CRTC1: variants seen among roughly 807,000 people sequenced by gnomAD.
CRTC1 encodes CREB-regulated transcription coactivator 1.
In CRTC1, 18 loss-of-function variants were observed where a neutral mutation model predicts 66.1. The ratio of observed to expected loss-of-function variants is 0.27; its 90% CI spans 0.19 to 0.40. The LOEUF is 0.40. CRTC1 is among the 10% of genes least tolerant of loss of function. CRTC1 has a pLI of 1.00. For synonymous variants in CRTC1, 416 were observed against 398.8 expected, an observed-to-expected ratio of 1.04 and a Z score of -0.51; for missense variants, 669 against 887.9, an observed-to-expected ratio of 0.75 and a Z score of 3.13.
chr19:18,707,293 G>A (rs956339221), intron 1 of CRTC1, among the ~76,000 whole-genome samples: 1 of 152,188 alleles, frequency 6.6e-6, no homozygotes, highest in African/African-American at 2.4e-5. Flanking sequence ...TGTTAGATCA[G>A]GGCACAGCTT....
chr19:18,781,216 G>A lies in CRTC1; in HGVS notation c.*3834G>A, dbSNP rs2055096408. ...CCGTCACCCACATGTGGTGCCCTGG[G>A]CCAGGGCGTGCGGGCGCCAGAGCCT... is the stretch of plus-strand genomic sequence containing the variant. On this transcript the variant is annotated 3_prime_UTR_variant, in exon 14 of 14. Coordinates refer to ENST00000321949, the MANE Select transcript of CRTC1 (RefSeq NM_015321.3). 4.4e-6 allele frequency: 1 copy of A among 226,886 alleles called. No homozygotes were observed. Among genetic ancestry groups the A allele is most frequent in the Non-Finnish European group, 8.8e-6 (1 of 114,116 alleles). The allele number at this position is 226,886 out of a possible 1,614,324, so 14.1% of individuals were successfully genotyped here.
chr19:18,770,490 C>A (rs972879993), intron 10 of CRTC1, among the ~76,000 whole-genome samples: 7 of 152,246 alleles, frequency 4.6e-5, no homozygotes, highest in African/African-American at 1.7e-4. Context: ...CTTAGAGAGC[C>A]AGGGGACCTG....
chr19:18,769,521 C>T (rs752508944), intron 10 of CRTC1, among the ~76,000 whole-genome samples: 5 of 152,356 alleles, frequency 3.3e-5, no homozygotes, highest in Admixed American at 2.0e-4. Flanking sequence ...AAAGAACAGC[C>T]GCCTGAGCTG....
intron 6 of CRTC1, among the ~76,000 whole-genome samples, chr19:18,758,552 C>T (rs2054544463): frequency 6.6e-6 from 1 of 152,016 alleles, no homozygotes; most frequent in Non-Finnish European, 1.5e-5. Context: ...CTGAGGGCTA[C>T]CCAAGCCCTA....
chr19:18,760,222 G>C lies in CRTC1; in HGVS notation c.880G>C (p.Gly294Arg). 1 of 1,598,128 alleles carries C rather than the reference G, an allele frequency of 6.3e-7. No homozygotes were observed. The highest frequency in any genetic ancestry group is 1.3e-5 in the African/African-American group (1 of 74,620). ...NLTHLGIGGA[G>R]QGMSTPGSSP... ...GACGCACCTGGGCATCGGTGGCGCCGGCCAGGGTAAGGCAGGGACACTCCG... is the reference window on the plus strand; with the variant it reads ...GACGCACCTGGGCATCGGTGGCGCCCGCCAGGGTAAGGCAGGGACACTCCG... The change falls in exon 8 of 14, where the codon GGC becomes CGC. Residue 294 changes from glycine (G) to arginine (R), a missense_variant. Physicochemically the swap from Gly to Arg is moderately radical, Grantham distance 125. This residue lies in a region of CRTC1 where 241 missense variants were observed against 242.2 expected (regional missense o/e 0.99). Transcript: ENST00000321949. The surrounding 1 kb of genome is among the most constrained non-coding windows in gnomAD (Gnocchi z 6.2).
chr19:18,765,481 C>A lies in CRTC1; in HGVS notation c.964C>A (p.Arg322Ser). 1.9e-6 allele frequency: 3 copies of A among 1,611,172 alleles called. No homozygotes were observed. The highest frequency in any genetic ancestry group is 2.5e-6 in the Non-Finnish European group (3 of 1,179,770). The change falls in exon 9 of 14, where the codon CGT becomes AGT. Residue 322 changes from arginine (R) to serine (S), a missense_variant. By Grantham distance (110) the Arg-to-Ser change is moderately radical. Coordinates refer to ENST00000321949, the MANE Select transcript of CRTC1 (RefSeq NM_015321.3). ...CCTGTCCCTGAGCACAGAGGCAAGGCGTCAGCAGGCATCGCCCACCCTGTC... is the reference window on the plus strand; with the variant it reads ...CCTGTCCCTGAGCACAGAGGCAAGGAGTCAGCAGGCATCGCCCACCCTGTC... ...SPLSLSTEAR[R>S]QQASPTLSPL...
intron 6 of CRTC1, among the ~76,000 whole-genome samples, chr19:18,758,360 T>TTA (rs1437627907): frequency 1.8e-4 from 20 of 108,312 alleles, no homozygotes; most frequent in African/African-American, 6.9e-4. Flanking sequence ...ACTCCGTCTC[T>TTA]AAAAAAAAAA....
At chr19:18,693,671 G>C (rs1374669823) in intron 1 of CRTC1, among the ~76,000 whole-genome samples, 1 of 150,898 alleles carries the variant, frequency 6.6e-6, no homozygotes. Context: ...TTTTAGTAGA[G>C]ACAGGGTTTC....
chr19:18,778,892 C>T lies in CRTC1; in HGVS notation c.*1510C>T, dbSNP rs8104411. On this transcript the variant is annotated 3_prime_UTR_variant, in exon 14 of 14. Coordinates refer to ENST00000321949, the MANE Select transcript of CRTC1 (RefSeq NM_015321.3). ...CTTGGGCAGCGTGGTCTGCTGGCTG[C>T]CCCTTCTTGGCAGCTCAGGGTCGTG... 64,913 of 231,018 alleles carry T rather than the reference C, an allele frequency of 0.28. 9,843 individuals carry two copies. The highest frequency in any genetic ancestry group is 0.33 in the Non-Finnish European group (38,158 of 116,684). The allele number at this position is 231,018 out of a possible 1,614,324, so 14.3% of individuals were successfully genotyped here.
intron 1 of CRTC1, among the ~76,000 whole-genome samples, chr19:18,700,098 A>G (rs890390594): frequency 9.9e-5 from 15 of 152,250 alleles, no homozygotes; most frequent in Admixed American, 8.5e-4. Flanking sequence ...GGAGCCCCAC[A>G]CTGGGGAACG....
At chr19:18,729,294 C>T (rs1270773457) in intron 1 of CRTC1, among the ~76,000 whole-genome samples, 3 of 151,276 alleles carry the variant, frequency 2.0e-5, no homozygotes, top group Non-Finnish European at 4.4e-5. Flanking sequence ...GGCGTGGCGG[C>T]GGGCACCTGT....
intron 4 of CRTC1, among the ~76,000 whole-genome samples, chr19:18,748,374 ATTTTTTTTTTT>A (rs777077338): frequency 2.7e-5 from 2 of 75,378 alleles, no homozygotes; most frequent in Non-Finnish European, 5.1e-5. Flanking sequence ...CTTCCAGCTG[ATTTTTTTTTTT>A]TTTTTTTTTT....
At chr19:18,720,528 T>G (rs113739986) in intron 1 of CRTC1, among the ~76,000 whole-genome samples, 171 of 134,212 alleles carry the variant, frequency 1.3e-3, no homozygotes, top group African/African-American at 1.9e-3. Context: ...TTTTAGTGTT[T>G]TTTTTTTTTT....
intron 1 of CRTC1, among the ~76,000 whole-genome samples, chr19:18,742,112 C>T (rs1026081987): frequency 3.3e-5 from 5 of 152,176 alleles, no homozygotes; most frequent in East Asian, 1.9e-4. Flanking sequence ...GGCCTCGGGT[C>T]GTGCCACATG....
At chr19:18,721,224 C>A (rs1215691170) in intron 1 of CRTC1, among the ~76,000 whole-genome samples, 1 of 146,098 alleles carries the variant, frequency 6.8e-6, no homozygotes, top group Non-Finnish European at 1.5e-5. Context: ...GACGGAGTCT[C>A]GCTCTGTCGT....
chr19:18,745,981 T>A, intron 3 of CRTC1, 21 bp downstream of exon 3: 13 of 1,596,062 alleles, frequency 8.1e-6, no homozygotes, highest in Non-Finnish European at 1.1e-5. Context: ...CACCAGAGGA[T>A]GAGGGTGGGG....
chr19:18,769,701 G>T (rs2054818579), intron 10 of CRTC1, among the ~76,000 whole-genome samples: 1 of 152,166 alleles, frequency 6.6e-6, no homozygotes, highest in African/African-American at 2.4e-5. Flanking sequence ...TCGCCTTGGA[G>T]CTGGGTGGTT....
At chr19:18,706,002 A>G (rs1175087852) in intron 1 of CRTC1, among the ~76,000 whole-genome samples, 2 of 118,678 alleles carry the variant, frequency 1.7e-5, no homozygotes, top group African/African-American at 3.4e-5. Flanking sequence ...TAGTATATTC[A>G]TACTTTATCT....
intron 10 of CRTC1, among the ~76,000 whole-genome samples, chr19:18,769,041 C>G (rs1256033251): frequency 3.3e-5 from 5 of 152,222 alleles, no homozygotes; most frequent in Non-Finnish European, 1.5e-5. Flanking sequence ...GTGGGCCACC[C>G]CATGTTTAAC....
Sources: allele counts gnomAD v4.1 joint callset (sites outside exome capture counted in the v4.1 genomes callset), GRCh38; gene constraint gnomAD v4.1.1; regional missense constraint gnomAD v4.1.1; non-coding constraint Gnocchi (gnomAD v3.1); transcripts MANE v1.5; gene names NCBI Gene and HGNC (gene_info 2026-07-23, HGNC 2026-07-21).